The following ARL11 variants were observed in gnomAD, a reference collection of about 807,000 sequenced individuals.
ARL11 encodes ARF like GTPase 11.
For synonymous variants in ARL11, 91 were observed against 111.2 expected (o/e 0.82, Z 1.15); for missense variants, 239 against 250.6 (o/e 0.95, Z 0.31).
At position 49,630,603 on chromosome 13, in the gene ARL11, A is replaced by G; in HGVS notation, c.156A>G (p.Lys52=). 6.2e-7 allele frequency: 1 copy of G among 1,614,050 alleles called. No homozygotes were observed. The highest frequency in any genetic ancestry group is 8.5e-7 in the Non-Finnish European group (1 of 1,180,022). ...TTGGTTTCAACGTGGAGCCTCTGAAAGCTCCTGGGCACGTGTCACTGACTC... is the reference window on the plus strand; with the variant it reads ...TTGGTTTCAACGTGGAGCCTCTGAAGGCTCCTGGGCACGTGTCACTGACTC... ...PTVGFNVEPL[K]APGHVSLTLW... is the part of the protein sequence containing the mutation. Residue 52 remains lysine (K), a synonymous_variant, in exon 2 of 2, where the codon AAA becomes AAG. Coordinates refer to ENST00000282026, the MANE Select transcript of ARL11 (RefSeq NM_138450.6).
rs12584992 is a variant in ARL11, at chr13:49,630,477, G to A, written c.30G>A (p.Lys10=). The stretch of plus-strand genomic sequence containing the variant: ...GTTCTGTGAATTCCAGAGGTCACAA[G>A]GCGGAAGCCCAGGTGGTGATGATGG... MGSVNSRGH[K]AEAQVVMMGL... The change falls in exon 2 of 2, where the codon AAG becomes AAA. Residue 10 remains lysine (K), a synonymous_variant. Coordinates refer to ENST00000282026, the MANE Select transcript of ARL11 (RefSeq NM_138450.6). The A allele has an allele frequency of 2.5e-6, 4 of 1,613,156 alleles. No homozygotes were observed. The East Asian group carries it at 8.9e-5, about 36-fold the overall frequency.
rs1964893882 is a variant in ARL11 at position 49,632,082 on chromosome 13, T to C, written c.*1044T>C. 6.0e-6 allele frequency: 1 copy of C among 167,112 alleles called. No individual in the cohort carries two copies. The highest frequency in any genetic ancestry group is 6.5e-5 in the Admixed American group (1 of 15,280). The allele number at this position is 167,112 out of a possible 1,614,324, so 10.4% of individuals were successfully genotyped here. A position where few individuals can be genotyped will look rare whatever the true frequency, so the allele number is the denominator to read the frequency against. On this transcript the variant is annotated 3_prime_UTR_variant, in exon 2 of 2. Transcript: ENST00000282026. ...CCAAAATTTATCCTTGTTTTTTTTC[T>C]GATGCTAATTAGCCTCTCCCGATTT... is the stretch of plus-strand genomic sequence containing the variant.
rs1334655941 is a variant in ARL11, at chr13:49,633,166, G to C, written c.*2128G>C. On this transcript the variant is annotated 3_prime_UTR_variant, in exon 2 of 2. Transcript: ENST00000282026. The stretch of plus-strand genomic sequence containing the variant: ...ATATCTGGAATTTGAAATCAGATCT[G>C]TTTAGGGCTAATGCTGCATTTTTCT... The C allele has an allele frequency of 6.0e-6, 1 of 166,802 alleles. No homozygotes were observed. The highest frequency in any genetic ancestry group is 1.9e-4 in the East Asian group (1 of 5,208). The allele number at this position is 166,802 out of a possible 1,614,324, so 10.3% of individuals were successfully genotyped here. A position where few individuals can be genotyped will look rare whatever the true frequency, so the allele number is the denominator to read the frequency against.
Position 49,630,844 on chromosome 13 carries a change from C to A in ARL11, c.397C>A (p.Leu133Ile). ...KQEAPDALPLLKIRNRLSLER... is the reference protein window; with the variant it reads ...KQEAPDALPLIKIRNRLSLER... ...GGAGGCACCTGATGCACTTCCGCTG[C>A]TTAAGATCAGAAACAGGCTGAGTCT... The change falls in exon 2 of 2, where the codon CTT (leucine) becomes ATT (isoleucine). Residue 133 changes from leucine (L) to isoleucine (I), a missense_variant. Transcript: ENST00000282026. 1 of 1,601,710 alleles carries A rather than the reference C, an allele frequency of 6.2e-7. No individual in the cohort carries two copies. Among genetic ancestry groups the A allele is most frequent in the Non-Finnish European group, 8.5e-7 (1 of 1,171,916 alleles).
intron 1 of ARL11, among the ~76,000 whole-genome samples, chr13:49,629,533 G>A (rs1356026985): frequency 6.6e-6 from 1 of 152,048 alleles, no homozygotes; most frequent in East Asian, 1.9e-4. Context: ...GCTTAGTGTT[G>A]TGGTGCAACC....
In ARL11 at chr13:49,631,473, G is replaced by A. The variant is rs1280943701; in HGVS notation, c.*435G>A. 8 of 168,470 alleles carry A rather than the reference G, an allele frequency of 4.7e-5. No homozygotes were observed. In the East Asian group the frequency reaches 5.8e-4, roughly 12 times the overall value. The allele number at this position is 168,470 out of a possible 1,614,324, so 10.4% of individuals were successfully genotyped here. A position where few individuals can be genotyped will look rare whatever the true frequency, so the allele number is the denominator to read the frequency against. On this transcript the variant is annotated 3_prime_UTR_variant, in exon 2 of 2. Transcript: ENST00000282026. ...CTCAACATACTTCATTTAATAGCTCGTTACCAAGTGTGAATGAAGCAATAT... is the reference window on the plus strand; with the variant it reads ...CTCAACATACTTCATTTAATAGCTCATTACCAAGTGTGAATGAAGCAATAT...
In ARL11 at chr13:49,633,191, TACA is replaced by T. The variant is rs1406616164; in HGVS notation, c.*2157_*2159del. 2 of 167,044 alleles carry T rather than the reference TACA, an allele frequency of 1.2e-5. No homozygotes were observed. Among genetic ancestry groups the T allele is most frequent in the East Asian group, 1.9e-4 (1 of 5,196 alleles). The allele number at this position is 167,044 out of a possible 1,614,324, so 10.3% of individuals were successfully genotyped here. A position where few individuals can be genotyped will look rare whatever the true frequency, so the allele number is the denominator to read the frequency against. On this transcript the variant is annotated 3_prime_UTR_variant, in exon 2 of 2. Transcript: ENST00000282026. ...GTTTAGGGCTAATGCTGCATTTTTC[TACA>T]ACATCATGCCTCTAGAAGGTTTAAG...
In ARL11 at chr13:49,630,717, C is replaced by T; in HGVS notation, c.270C>T (p.Ser90=). The T allele has an allele frequency of 6.2e-7, 1 of 1,614,156 alleles. No homozygotes were observed. The highest frequency in any genetic ancestry group is 8.5e-7 in the Non-Finnish European group (1 of 1,180,042). ...ATATCCTCGTGTACGTGCTGGACAG[C>T]ACAGATGAAGCCCGCTTACCCGAGT... ...GTDILVYVLD[S]TDEARLPESA... The change falls in exon 2 of 2, where the codon AGC becomes AGT. Residue 90 remains serine (S), a synonymous_variant. Transcript: ENST00000282026.
chr13:49,630,699 C>T lies in ARL11; in HGVS notation c.252C>T (p.Leu84=), dbSNP rs145617860. ...ACTATCTGGAAGGCACAGATATCCT[C>T]GTGTACGTGCTGGACAGCACAGATG... The part of the protein sequence containing the change: ...WKDYLEGTDI[L]VYVLDSTDEA... The change falls in exon 2 of 2, where the codon CTC becomes CTT. Residue 84 remains leucine (L), a synonymous_variant. Coordinates refer to ENST00000282026, the MANE Select transcript of ARL11 (RefSeq NM_138450.6). The T allele has an allele frequency of 1.2e-5, 20 of 1,614,004 alleles. No homozygotes were observed. The African/African-American group carries it at 1.7e-4, about 14-fold the overall frequency.
chr13:49,630,942 C>T lies in ARL11; in HGVS notation c.495C>T (p.Ala165=). The change falls in exon 2 of 2, where the codon GCC becomes GCT. Residue 165 remains alanine (A), a synonymous_variant. Transcript: ENST00000282026. ...TCACTGGGGAGGGGCTGCCCGAGGC[C>T]CTGCAGAGCCTGTGGAGCCTCCTGA... The part of the protein sequence containing the change: ...SALTGEGLPE[A]LQSLWSLLKS... 6.2e-7 allele frequency: 1 copy of T among 1,607,226 alleles called. No individual in the cohort carries two copies. Among genetic ancestry groups the T allele is most frequent in the Non-Finnish European group, 8.5e-7 (1 of 1,175,754 alleles).
Position 49,630,881 on chromosome 13 carries a change from A to G in ARL11, c.434A>G (p.Gln145Arg). The change falls in exon 2 of 2, where the codon CAG becomes CGG. Residue 145 changes from glutamine to arginine, a missense_variant. Physicochemically the swap from Gln to Arg is conservative, Grantham distance 43 (BLOSUM62 1). Transcript: ENST00000282026. Reference protein sequence around the residue: ...IRNRLSLERFQDHCWELRGCS... With the variant: ...IRNRLSLERFRDHCWELRGCS... ...AACAGGCTGAGTCTAGAGAGATTCCAGGACCACTGCTGGGAGCTCCGGGGC... is the reference window on the plus strand; with the variant it reads ...AACAGGCTGAGTCTAGAGAGATTCCGGGACCACTGCTGGGAGCTCCGGGGC... 6.3e-7 allele frequency: 1 copy of G among 1,590,292 alleles called. No homozygotes were observed. Among genetic ancestry groups the G allele is most frequent in the Non-Finnish European group, 8.6e-7 (1 of 1,164,748 alleles).
rs1008013271 is a variant in ARL11 at position 49,632,300 on chromosome 13, C to CTT, written c.*1264_*1265dup. 5.4e-5 allele frequency: 9 copies of CTT among 166,914 alleles called. No homozygotes were observed. Among genetic ancestry groups the CTT allele is most frequent in the African/African-American group, 2.2e-4 (9 of 41,388 alleles). 10.3% of individuals were successfully genotyped at this position (166,914 alleles called of 1,614,324 possible). A position where few individuals can be genotyped will look rare whatever the true frequency, so the allele number is the denominator to read the frequency against. On this transcript the variant is annotated 3_prime_UTR_variant, in exon 2 of 2. Transcript: ENST00000282026. ...TGAGCTTTCGAATATGAATCATGTG[C>CTT]TTTAGGTGGGAATTGTGAATTCTGA...
Position 49,630,880 on chromosome 13 carries a change from C to G in ARL11, c.433C>G (p.Gln145Glu). The change falls in exon 2 of 2, where the codon CAG (glutamine) becomes GAG (glutamate). Residue 145 changes from glutamine (Q) to glutamate (E), a missense_variant. By Grantham distance (29) the Gln-to-Glu change is conservative. Coordinates refer to ENST00000282026, the MANE Select transcript of ARL11 (RefSeq NM_138450.6). ...AAACAGGCTGAGTCTAGAGAGATTC[C>G]AGGACCACTGCTGGGAGCTCCGGGG... ...IRNRLSLERF[Q>E]DHCWELRGCS... 1 of 1,590,242 alleles carries G rather than the reference C, an allele frequency of 6.3e-7. No homozygotes were observed. The highest frequency in any genetic ancestry group is 8.6e-7 in the Non-Finnish European group (1 of 1,164,776).
intron 1 of ARL11, among the ~76,000 whole-genome samples, chr13:49,629,806 G>GTAC (rs1415442061): frequency 6.6e-6 from 1 of 152,156 alleles, no homozygotes; most frequent in Non-Finnish European, 1.5e-5. Flanking sequence ...CCAAGACATA[G>GTAC]TACTGGTCCT....
chr13:49,630,886 C>G lies in ARL11; in HGVS notation c.439C>G (p.His147Asp). 6.3e-7 allele frequency: 1 copy of G among 1,589,408 alleles called. No homozygotes were observed. Among genetic ancestry groups the G allele is most frequent in the Non-Finnish European group, 8.6e-7 (1 of 1,164,132 alleles). The change falls in exon 2 of 2, where the codon CAC (histidine) becomes GAC (aspartate). Residue 147 changes from histidine (H) to aspartate (D), a missense_variant. Physicochemically the swap from His to Asp is moderately conservative, Grantham distance 81. Transcript: ENST00000282026. ...GCTGAGTCTAGAGAGATTCCAGGAC[C>G]ACTGCTGGGAGCTCCGGGGCTGCAG... ...NRLSLERFQD[H>D]CWELRGCSAL...
Position 49,630,363 on chromosome 13 carries a change from C to T in ARL11, c.-18-67C>T, listed in dbSNP as rs550459354. 3.9e-5 allele frequency: 44 copies of T among 1,138,770 alleles called. No individual in the cohort carries two copies. In the African/African-American group the frequency reaches 6.5e-4, roughly 17 times the overall value. The allele number at this position is 1,138,770 out of a possible 1,614,324, so 70.5% of individuals were successfully genotyped here. A position where few individuals can be genotyped will look rare whatever the true frequency, so the allele number is the denominator to read the frequency against. On this transcript the variant is annotated intron_variant, in intron 1 of 1. Transcript: ENST00000282026. ...CTGGGATTACAGGTGTGAGCCACTG[C>T]ACCAGGATGGATTTGTCTTCCTTCA...
At position 49,629,138 on chromosome 13, in the gene ARL11, C is replaced by T. The variant is rs139969053; in HGVS notation, c.-19+523C>T. Among the ~76,000 whole-genome samples the T allele has an allele frequency of 2.7e-3, 406 of 152,208 alleles. 1 individual carries two copies. Among genetic ancestry groups the T allele is most frequent in the Non-Finnish European group, 3.9e-3 (266 of 68,012 alleles). ...AACAAAAATGTGTGATGGCACATGC[C>T]CATAGTCCCAGCTACTGGGGAGGCT... is the stretch of plus-strand genomic sequence containing the variant. On this transcript the variant is annotated intron_variant, in intron 1 of 1. Transcript: ENST00000282026.
In ARL11 at chr13:49,630,843, G is replaced by C. The variant is rs138452698; in HGVS notation, c.396G>C (p.Leu132=). ...NKQEAPDALP[L]LKIRNRLSLE... ...AGGAGGCACCTGATGCACTTCCGCTGCTTAAGATCAGAAACAGGCTGAGTC... is the reference window on the plus strand; with the variant it reads ...AGGAGGCACCTGATGCACTTCCGCTCCTTAAGATCAGAAACAGGCTGAGTC... Residue 132 remains leucine (L), a synonymous_variant, in exon 2 of 2, where the codon CTG becomes CTC. Transcript: ENST00000282026. 2,414 of 1,602,182 alleles carry C rather than the reference G, an allele frequency of 1.5e-3. 1 individual carries two copies. The highest frequency in any genetic ancestry group is 1.9e-3 in the Non-Finnish European group (2,230 of 1,172,168).
In ARL11 at chr13:49,631,483, G is replaced by A. The variant is rs1017156761; in HGVS notation, c.*445G>A. 2 of 168,420 alleles carry A rather than the reference G, an allele frequency of 1.2e-5. No individual in the cohort carries two copies. Among genetic ancestry groups the A allele is most frequent in the East Asian group, 1.9e-4 (1 of 5,204 alleles). 10.4% of individuals were successfully genotyped at this position (168,420 alleles called of 1,614,324 possible). Reference sequence around the variant, plus strand: ...TTCATTTAATAGCTCGTTACCAAGTGTGAATGAAGCAATATGTCATAATAG... The same window carrying A: ...TTCATTTAATAGCTCGTTACCAAGTATGAATGAAGCAATATGTCATAATAG... On this transcript the variant is annotated 3_prime_UTR_variant, in exon 2 of 2. Coordinates refer to ENST00000282026, the MANE Select transcript of ARL11 (RefSeq NM_138450.6).
Sources: allele counts gnomAD v4.1 joint callset (sites outside exome capture counted in the v4.1 genomes callset), GRCh38; gene constraint gnomAD v4.1.1; transcripts MANE v1.5; gene names NCBI Gene and HGNC (gene_info 2026-07-23, HGNC 2026-07-21).